The following RBM33 variants were observed in gnomAD, a reference collection of about 807,000 sequenced individuals.
RBM33 encodes the protein RNA-binding protein 33.
In RBM33, 28 loss-of-function variants were observed where a neutral mutation model predicts 132.6. That is an observed-to-expected ratio of 0.21 (90% CI 0.16 to 0.29). RBM33 has a LOEUF of 0.29. Among genes scored for constraint, RBM33 ranks in the 10% least tolerant of loss-of-function variants. The probability of loss-of-function intolerance (pLI) is 1.00; values close to 1 mark genes in which losing one functional copy is unlikely to be tolerated. For synonymous variants in RBM33, 634 were observed against 593.0 expected, an observed-to-expected ratio of 1.07 and a Z score of -1.01; for missense variants, 1,291 against 1,518.5, an observed-to-expected ratio of 0.85 and a Z score of 2.49.
At position 155,673,178 on chromosome 7, in the gene RBM33, G is replaced by A. The variant is rs185207977; in HGVS notation, c.171+263G>A. On this transcript the variant is annotated intron_variant, in intron 3 of 17. Coordinates refer to ENST00000401878, the MANE Select transcript of RBM33 (RefSeq NM_053043.3). ...CTGGCAGTTACTGGATTGTGACAGC[G>A]TTAACATAGAGTTATTCCTTGCCAT... Among the ~76,000 whole-genome samples, 20 of 151,352 alleles carry A rather than the reference G, an allele frequency of 1.3e-4. No individual in the cohort carries two copies. In the East Asian group the frequency reaches 1.7e-3, roughly 13 times the overall value.
intron 8 of RBM33, among the ~76,000 whole-genome samples, chr7:155,718,079 C>T (rs10234522): frequency 0.24 from 36,566 of 151,882 alleles, 4,641 homozygotes; most frequent in African/African-American, 0.33. Context: ...GAGAAACAAA[C>T]TAGGTTTTTT....
intron 9 of RBM33, among the ~76,000 whole-genome samples, chr7:155,733,207 G>A (rs1801008137): frequency 6.6e-6 from 1 of 152,190 alleles, no homozygotes; most frequent in South Asian, 2.1e-4. Context: ...TGTGACAAGT[G>A]TCCAGGTTCC....
intron 7 of RBM33, among the ~76,000 whole-genome samples, chr7:155,707,762 T>C (rs954586655): frequency 9.9e-5 from 15 of 152,196 alleles, no homozygotes; most frequent in Non-Finnish European, 1.0e-4. Flanking sequence ...GTTCAAGCGA[T>C]TCTCCTGCCT....
At chr7:155,646,200 C>T (rs1798188330) in intron 1 of RBM33, among the ~76,000 whole-genome samples, 1 of 151,942 alleles carries the variant, frequency 6.6e-6, no homozygotes, top group Admixed American at 6.6e-5. Context: ...GTGGAGTTTT[C>T]TAGAGGCTGA....
intron 2 of RBM33, among the ~76,000 whole-genome samples, chr7:155,667,134 C>A (rs1044461898): frequency 6.6e-6 from 1 of 152,160 alleles, no homozygotes; most frequent in Non-Finnish European, 1.5e-5. Context: ...CATGCCACTT[C>A]CGAATGCTTC....
rs114201030 is a variant in RBM33 at position 155,695,102 on chromosome 7, G to A, written c.568-5671G>A. Among the ~76,000 whole-genome samples the A allele has an allele frequency of 7.0e-3, 1,058 of 152,140 alleles. 17 individuals carry two copies. Among genetic ancestry groups the A allele is most frequent in the African/African-American group, 0.024 (994 of 41,502 alleles). ...TCCTTCTAGTGAGTGTGTCATCGTG[G>A]TTTTAGTTTCCATTTGTCTGACCTC... is the stretch of plus-strand genomic sequence containing the variant. On this transcript the variant is annotated intron_variant, in intron 5 of 17. Coordinates refer to ENST00000401878, the MANE Select transcript of RBM33 (RefSeq NM_053043.3).
chr7:155,730,172 A>G (rs546530257), intron 9 of RBM33, among the ~76,000 whole-genome samples: 2 of 152,314 alleles, frequency 1.3e-5, no homozygotes, highest in South Asian at 4.1e-4. Context: ...CTCAGCTCTC[A>G]CGGACCCGGC....
At chr7:155,657,370 A>T (rs1159946791) in intron 1 of RBM33, among the ~76,000 whole-genome samples, 1 of 152,248 alleles carries the variant, frequency 6.6e-6, no homozygotes, top group Non-Finnish European at 1.5e-5. Flanking sequence ...TTTAAAAAGC[A>T]AAAAGAGCCC....
At chr7:155,695,606 C>T (rs1007061327) in intron 5 of RBM33, among the ~76,000 whole-genome samples, 3 of 152,028 alleles carry the variant, frequency 2.0e-5, no homozygotes, top group African/African-American at 7.2e-5. Flanking sequence ...ATTACAGGCA[C>T]GTACCACCAC....
At chr7:155,703,642 T>C (rs1179571832) in intron 6 of RBM33, among the ~76,000 whole-genome samples, 2 of 152,178 alleles carry the variant, frequency 1.3e-5, no homozygotes, top group Non-Finnish European at 1.5e-5. Context: ...AAAAGATTGG[T>C]TTCCTAAAAC....
chr7:155,753,098 G>A (rs1256159271), intron 14 of RBM33, among the ~76,000 whole-genome samples: 4 of 152,314 alleles, frequency 2.6e-5, no homozygotes, highest in East Asian at 3.9e-4. Flanking sequence ...GGAGGAATTA[G>A]CAGTGTTCTT....
rs1197728128 is a variant in RBM33, at chr7:155,738,396, A to G, written c.1730A>G (p.Asn577Ser). The change falls in exon 11 of 18, where the codon AAC (asparagine) becomes AGC (serine). Residue 577 changes from asparagine to serine, a missense_variant. Transcript: ENST00000401878. ...QPFLPTHTQPNLQGPLHPPLP... is the reference protein window; with the variant it reads ...QPFLPTHTQPSLQGPLHPPLP... ...TTTCTGCCCACACACACACAGCCCA[A>G]CCTGCAGGTAATGCATCCTGAGTGA... is the stretch of plus-strand genomic sequence containing the variant. 3.1e-6 allele frequency: 5 copies of G among 1,610,576 alleles called. No homozygotes were observed. The South Asian group carries it at 3.3e-5, about 11-fold the overall frequency.
intron 1 of RBM33, among the ~76,000 whole-genome samples, chr7:155,647,605 A>AT (rs1455133505): frequency 6.6e-6 from 1 of 151,924 alleles, no homozygotes; most frequent in Non-Finnish European, 1.5e-5. Flanking sequence ...TAATTTTTGT[A>AT]TTTTTTGTGG....
intron 9 of RBM33, among the ~76,000 whole-genome samples, chr7:155,733,137 TG>T (rs1377236257): frequency 1.6e-4 from 25 of 152,158 alleles, no homozygotes; most frequent in South Asian, 8.3e-4. Flanking sequence ...GAGACAGAAA[TG>T]TAAGAGTGAA....
At chr7:155,681,048 T>C in intron 5 of RBM33, 140 bp downstream of exon 5, 1 of 680,166 alleles carries the variant, frequency 1.5e-6, no homozygotes, top group Non-Finnish European at 2.4e-6. Flanking sequence ...AGTTTCTTTA[T>C]CTGAGCTATG....
At chr7:155,683,607 A>G (rs1453406531) in intron 5 of RBM33, among the ~76,000 whole-genome samples, 2 of 152,210 alleles carry the variant, frequency 1.3e-5, no homozygotes, top group African/African-American at 4.8e-5. Context: ...AGAGACATCA[A>G]TAAAGCTGGA....
chr7:155,739,790 C>A lies in RBM33; in HGVS notation c.1813C>A (p.His605Asn). ...QQPQQQPPPQ[H>N]QPPHQPPHQP... ...ACCTCAGCAACAGCCCCCGCCACAG[C>A]ACCAGCCTCCGCACCAGCCCCCGCA... The change falls in exon 12 of 18, where the codon CAC (histidine) becomes AAC (asparagine). Residue 605 changes from histidine (H) to asparagine (N), a missense_variant. By Grantham distance (68) the His-to-Asn change is moderately conservative. This residue lies in a region of RBM33 where 841 missense variants were observed against 912.0 expected (regional missense o/e 0.92). Transcript: ENST00000401878. The A allele has an allele frequency of 6.6e-7, 1 of 1,525,268 alleles. No individual in the cohort carries two copies. 94.5% of individuals were successfully genotyped at this position (1,525,268 alleles called of 1,614,324 possible).
rs1802553061 is a variant in RBM33 at position 155,774,894 on chromosome 7, T to G, written c.3465-99T>G. 9.2e-7 allele frequency: 1 copy of G among 1,082,954 alleles called. No homozygotes were observed. Among genetic ancestry groups the G allele is most frequent in the Admixed American group, 2.0e-5 (1 of 49,468 alleles). 67.1% of individuals were successfully genotyped at this position (1,082,954 alleles called of 1,614,324 possible). On this transcript the variant is annotated intron_variant, in intron 17 of 17. Transcript: ENST00000401878. This position sits in a 1 kb window ranked among gnomAD's most constrained non-coding sequence, Gnocchi z 4.2. The stretch of plus-strand genomic sequence containing the variant: ...GCCTTTTTATATGATGCGTTTTTAT[T>G]AAACAGGACCCACCGGGCTCTTTTA...
intron 14 of RBM33, among the ~76,000 whole-genome samples, chr7:155,756,059 GTGT>G (rs1298148269): frequency 1.3e-5 from 2 of 152,172 alleles, no homozygotes; most frequent in Non-Finnish European, 2.9e-5. Flanking sequence ...TCTGAACCTA[GTGT>G]TGTTTGAAGA....
Sources: gnomAD v4.1 joint callset for allele counts (sites outside exome capture counted in the v4.1 genomes callset) on GRCh38, gnomAD v4.1.1 for gene constraint, gnomAD v4.1.1 regional missense constraint, Gnocchi (gnomAD v3.1) non-coding constraint, MANE v1.5 for transcripts, NCBI Gene and HGNC (gene_info 2026-07-23, HGNC 2026-07-21) for gene names.